Variants in SYBU observed in about 807,000 individuals in gnomAD.
SYBU encodes GOLSYN A protein.
In SYBU, 21 loss-of-function variants were observed where a neutral mutation model predicts 35.9. That is an observed-to-expected ratio of 0.58 (90% CI 0.41 to 0.84). The LOEUF (loss-of-function observed/expected upper bound fraction) is 0.84, where lower values mean the gene tolerates loss of function less well. Ranked by LOEUF, SYBU falls within the 40% of genes least tolerant of loss-of-function variation. The probability of loss-of-function intolerance (pLI) is 0.00; values close to 1 mark genes in which losing one functional copy is unlikely to be tolerated. For synonymous variants in SYBU, 319 were observed against 324.3 expected (o/e 0.98, Z 0.18); for missense variants, 768 against 848.2 (o/e 0.91, Z 1.17).
chr8:109,658,280 T>C (rs1586965200), intron 1 of SYBU, among the ~76,000 whole-genome samples: 1 of 152,164 alleles, frequency 6.6e-6, no homozygotes, highest in East Asian at 1.9e-4. Flanking sequence ...CTAATATATA[T>C]AAAGGAGGAA....
chr8:109,658,729 A>G (rs1188142858), intron 1 of SYBU, among the ~76,000 whole-genome samples: 1 of 152,196 alleles, frequency 6.6e-6, no homozygotes, highest in Non-Finnish European at 1.5e-5. Context: ...CAAGGTGGGC[A>G]GATCACCTGA....
At chr8:109,621,067 A>G (rs532229225) in intron 2 of SYBU, among the ~76,000 whole-genome samples, 10 of 152,158 alleles carry the variant, frequency 6.6e-5, no homozygotes, top group Admixed American at 2.0e-4. Context: ...TGAAAGAGAG[A>G]TGTCCCCACA....
At chr8:109,616,236 T>C (rs1811777026) in intron 3 of SYBU, among the ~76,000 whole-genome samples, 1 of 151,886 alleles carries the variant, frequency 6.6e-6, no homozygotes, top group Non-Finnish European at 1.5e-5. Context: ...GGTCTTGAAC[T>C]CCTGACCTCG....
chr8:109,609,823 A>G (rs1249934056), intron 3 of SYBU, among the ~76,000 whole-genome samples: 1 of 152,174 alleles, frequency 6.6e-6, no homozygotes, highest in African/African-American at 2.4e-5. Flanking sequence ...AGGGGATCTT[A>G]TATATTTACT....
chr8:109,681,663 G>T (rs1005274335), upstream of SYBU, among the ~76,000 whole-genome samples: 1 of 152,150 alleles, frequency 6.6e-6, no homozygotes, highest in Non-Finnish European at 1.5e-5. Flanking sequence ...ATATTCTGGA[G>T]CAAACGATCA....
chr8:109,586,142 A>G lies in SYBU; in HGVS notation c.448T>C (p.Ser150Pro). The change falls in exon 4 of 7, where the codon TCC (serine) becomes CCC (proline). Residue 150 changes from serine to proline, a missense_variant. Coordinates refer to ENST00000276646, the MANE Select transcript of SYBU (RefSeq NM_001099754.2). ...GAAATGCTGCCTGTGCTGCTCGAGGAGCTAAAATCAGCTTCACTACCTGAA... is the reference window on the plus strand; with the variant it reads ...GAAATGCTGCCTGTGCTGCTCGAGGGGCTAAAATCAGCTTCACTACCTGAA... ...VKPGSEADFSSSSSTGSISAP... is the reference protein window; with the variant it reads ...VKPGSEADFSPSSSTGSISAP... 6.2e-7 allele frequency: 1 copy of G among 1,608,082 alleles called. No individual in the cohort carries two copies. Among genetic ancestry groups the G allele is most frequent in the South Asian group, 1.1e-5 (1 of 89,354 alleles).
upstream of SYBU, chr8:109,644,996 C>A (rs572164199): frequency 8.1e-6 from 4 of 493,214 alleles, no homozygotes; most frequent in East Asian, 1.6e-4. Flanking sequence ...CCGCGCCCCC[C>A]CAGCCAGAGC....
intron 3 of SYBU, among the ~76,000 whole-genome samples, chr8:109,596,920 G>A (rs1349361818): frequency 6.6e-6 from 1 of 152,130 alleles, no homozygotes. Flanking sequence ...TGTCCTTACA[G>A]ATTTGTACTT....
intron 4 of SYBU, chr8:109,585,814 G>A (rs1264385696): frequency 1.9e-6 from 1 of 512,844 alleles, no homozygotes; most frequent in Non-Finnish European, 3.5e-6. Context: ...CAGGAGGAGT[G>A]GGCATAGAGT....
At chr8:109,636,047 A>T (rs1457432131) in intron 2 of SYBU, among the ~76,000 whole-genome samples, 1 of 152,054 alleles carries the variant, frequency 6.6e-6, no homozygotes, top group East Asian at 1.9e-4. Flanking sequence ...AGGTGGTCTC[A>T]CTCTTTACAT....
At chr8:109,665,859 T>C (rs1231370393) in intron 1 of SYBU, among the ~76,000 whole-genome samples, 2 of 152,228 alleles carry the variant, frequency 1.3e-5, no homozygotes, top group Non-Finnish European at 2.9e-5. Context: ...GAAGGCATTA[T>C]ACCAATACTT....
At chr8:109,634,165 T>C (rs1485576108) in intron 2 of SYBU, among the ~76,000 whole-genome samples, 1 of 152,200 alleles carries the variant, frequency 6.6e-6, no homozygotes, top group Non-Finnish European at 1.5e-5. Flanking sequence ...AGACTCTGCT[T>C]TTACCCACAG....
chr8:109,659,607 C>T (rs757600052), intron 1 of SYBU, among the ~76,000 whole-genome samples: 6 of 152,128 alleles, frequency 3.9e-5, no homozygotes, highest in South Asian at 4.1e-4. Flanking sequence ...TCACAACTCC[C>T]TCACCACATT....
intron 3 of SYBU, among the ~76,000 whole-genome samples, chr8:109,598,266 T>C (rs2129989106): frequency 6.6e-6 from 1 of 152,344 alleles, no homozygotes; most frequent in South Asian, 2.1e-4. Context: ...GGGAACATTT[T>C]TACATATTTC....
intron 3 of SYBU, among the ~76,000 whole-genome samples, chr8:109,601,750 A>G (rs1825550109): frequency 1.3e-5 from 2 of 152,212 alleles, no homozygotes; most frequent in Admixed American, 1.3e-4. Context: ...AGAAAAACAC[A>G]GGGCATGTTT....
chr8:109,664,504 A>C (rs1816687180), intron 1 of SYBU, among the ~76,000 whole-genome samples: 2 of 152,216 alleles, frequency 1.3e-5, no homozygotes, highest in South Asian at 4.1e-4. Flanking sequence ...CTCAGTATTT[A>C]TCTAACTCAT....
upstream of SYBU, among the ~76,000 whole-genome samples, chr8:109,682,898 G>T (rs1443421711): frequency 4.6e-5 from 7 of 152,218 alleles, no homozygotes; most frequent in Non-Finnish European, 8.8e-5. Context: ...AGGGGCTAAG[G>T]TACAGCTCTG....
At chr8:109,585,964 GAACGGACAGTAATCCGGGTGGT>G in intron 4 of SYBU, 74 bp downstream of exon 4, 1 of 775,110 alleles carries the variant, frequency 1.3e-6, no homozygotes, top group Non-Finnish European at 2.1e-6. Flanking sequence ...AATAAAATAT[GAACGGACAGTAATCCGGGTGGT>G]TCTACAGATG....
intron 1 of SYBU, among the ~76,000 whole-genome samples, chr8:109,658,676 C>CG (rs35461048): frequency 0.31 from 47,374 of 152,008 alleles, 8,715 homozygotes; most frequent in East Asian, 0.52. Flanking sequence ...TATTCATGGC[C>CG]GGCATGGTGG....
Sources: gnomAD v4.1 joint callset for allele counts (sites outside exome capture counted in the v4.1 genomes callset) on GRCh38, gnomAD v4.1.1 for gene constraint, MANE v1.5 for transcripts, NCBI Gene and HGNC (gene_info 2026-07-23, HGNC 2026-07-21) for gene names.